FAT3: variants seen among roughly 807,000 people sequenced by gnomAD.
FAT3 encodes FAT atypical cadherin 3.
FAT3 carries 95 observed loss-of-function variants against 310.2 expected under a neutral mutation model. The observed-to-expected ratio is 0.31, with a 90% CI of 0.26 to 0.36. The LOEUF (loss-of-function observed/expected upper bound fraction) is 0.36. FAT3 is among the 10% of genes least tolerant of loss of function. The pLI is 1.00. For missense variants in FAT3, 5,408 were observed against 5,715.6 expected (o/e 0.95, Z 1.74); for synonymous variants, 2,314 against 2,192.9 (o/e 1.06, Z -1.54).
intron 3 of FAT3, among the ~76,000 whole-genome samples, chr11:92,646,200 C>T (rs1370421841): frequency 9.2e-5 from 14 of 152,072 alleles, no homozygotes; most frequent in Admixed American, 6.5e-5. Context: ...TCTAGAGAGC[C>T]CAGGACAGCT....
chr11:92,806,976 T>C (rs1947523060), intron 12 of FAT3, among the ~76,000 whole-genome samples: 2 of 152,140 alleles, frequency 1.3e-5, no homozygotes, highest in South Asian at 2.1e-4. Flanking sequence ...GGTTATCTAG[T>C]TATGCAGATA....
At chr11:92,397,447 A>G (rs1390855697) in intron 2 of FAT3, among the ~76,000 whole-genome samples, 1 of 152,210 alleles carries the variant, frequency 6.6e-6, no homozygotes, top group Admixed American at 6.5e-5. Flanking sequence ...CTCCCCATCT[A>G]GATGGAGTTC....
intron 1 of FAT3, among the ~76,000 whole-genome samples, chr11:92,262,035 A>G (rs1205590524): frequency 1.3e-5 from 2 of 151,790 alleles, no homozygotes; most frequent in Non-Finnish European, 2.9e-5. Flanking sequence ...AATGGACTCT[A>G]GCATTGTTCC....
intron 2 of FAT3, among the ~76,000 whole-genome samples, chr11:92,462,743 A>G (rs749440341): frequency 3.9e-5 from 6 of 152,208 alleles, no homozygotes; most frequent in Non-Finnish European, 7.3e-5. Context: ...TTCCATTTCA[A>G]CAACTTGTTC....
chr11:92,823,386 G>T (rs1472336789), intron 13 of FAT3, among the ~76,000 whole-genome samples: 1 of 152,164 alleles, frequency 6.6e-6, no homozygotes, highest in Admixed American at 6.5e-5. Flanking sequence ...ATAAGCTGCA[G>T]CTTTTTAGGT....
At chr11:92,330,685 G>A (rs1947894862) in intron 1 of FAT3, among the ~76,000 whole-genome samples, 1 of 151,940 alleles carries the variant, frequency 6.6e-6, no homozygotes, top group South Asian at 2.1e-4. Context: ...GTTGGGTGAT[G>A]GACAAAAATA....
intron 2 of FAT3, among the ~76,000 whole-genome samples, chr11:92,426,962 T>C (rs1050780189): frequency 6.6e-6 from 1 of 152,182 alleles, no homozygotes; most frequent in African/African-American, 2.4e-5. Context: ...TAAATCACTT[T>C]GGGTAGTATG....
intron 3 of FAT3, among the ~76,000 whole-genome samples, chr11:92,626,471 CTTT>C (rs72017730): frequency 6.9e-6 from 1 of 145,464 alleles, no homozygotes; most frequent in Non-Finnish European, 1.5e-5. Context: ...TAGCGTATCT[CTTT>C]TTTTTTTTTT....
chr11:92,765,884 C>G (rs3843601), intron 6 of FAT3, among the ~76,000 whole-genome samples: 114,245 of 151,840 alleles, frequency 0.75, 44,087 homozygotes, highest in Non-Finnish European at 0.83. Flanking sequence ...GTTTATTTAA[C>G]TGGGCCTTTT....
intron 2 of FAT3, among the ~76,000 whole-genome samples, chr11:92,399,325 AAC>A (rs1949957830): frequency 6.6e-6 from 1 of 152,150 alleles, no homozygotes; most frequent in Non-Finnish European, 1.5e-5. Context: ...AAAATTTCAA[AAC>A]ACAAAATAAC....
rs1038578868 is a variant in FAT3 at position 92,653,869 on chromosome 11, C to T, written c.3608-43515C>T. Among the ~76,000 whole-genome samples the T allele has an allele frequency of 2.6e-5, 4 of 152,284 alleles. No homozygotes were observed. In the Middle Eastern group the frequency reaches 0.01, roughly 388 times the overall value. On this transcript the variant is annotated intron_variant, in intron 3 of 27. Coordinates refer to ENST00000525166, the MANE Select transcript of FAT3 (RefSeq NM_001367949.2). ...GTGCTGTCACTAAAGCAGGGTCTCT[C>T]GTGGTTCTAGAAAAGCCATTTCTAC...
chr11:92,433,350 G>A (rs966285454), intron 2 of FAT3, among the ~76,000 whole-genome samples: 1 of 152,102 alleles, frequency 6.6e-6, no homozygotes, highest in Non-Finnish European at 1.5e-5. Context: ...TGAAACCCAG[G>A]GCCCTAATGG....
chr11:92,301,600 A>G (rs899438292), intron 1 of FAT3, among the ~76,000 whole-genome samples: 5 of 152,158 alleles, frequency 3.3e-5, no homozygotes, highest in African/African-American at 1.2e-4. Flanking sequence ...TGACAAGTGC[A>G]GCACCACTCT....
chr11:92,777,174 T>G (rs1203936727), intron 7 of FAT3, among the ~76,000 whole-genome samples: 1 of 152,208 alleles, frequency 6.6e-6, no homozygotes. Flanking sequence ...CCAAAACACC[T>G]GTTTAGTTTT....
intron 3 of FAT3, among the ~76,000 whole-genome samples, chr11:92,598,009 A>T (rs1939802800): frequency 6.6e-6 from 1 of 152,084 alleles, no homozygotes. Flanking sequence ...AACTTGTGGT[A>T]TACAATGTTG....
chr11:92,799,241 C>T lies in FAT3; in HGVS notation c.6228C>T (p.Asp2076=), dbSNP rs1947261871. The T allele has an allele frequency of 1.2e-6, 2 of 1,613,778 alleles. No homozygotes were observed. The highest frequency in any genetic ancestry group is 1.7e-6 in the Non-Finnish European group (2 of 1,179,870). The part of the protein sequence containing the change: ...ARVVVRVNIE[D]INDNSPVFVG... ...TGGTGGTCAGGGTTAACATTGAAGA[C>T]ATAAATGACAATTCTCCAGTCTTTG... Residue 2076 remains aspartate (D), a synonymous_variant, in exon 10 of 28, where the codon GAC becomes GAT. Transcript: ENST00000525166.
intron 1 of FAT3, among the ~76,000 whole-genome samples, chr11:92,286,643 T>A (rs1372030695): frequency 6.6e-6 from 1 of 152,212 alleles, no homozygotes; most frequent in Non-Finnish European, 1.5e-5. Context: ...ATAACACATT[T>A]AAGCCACAGT....
chr11:92,567,611 C>G (rs1352362633), intron 3 of FAT3, among the ~76,000 whole-genome samples: 2 of 151,698 alleles, frequency 1.3e-5, no homozygotes, highest in Non-Finnish European at 2.9e-5. Flanking sequence ...GCACTATTCA[C>G]AATAGCAAAG....
chr11:92,765,471 CTT>C (rs557482474), intron 6 of FAT3, among the ~76,000 whole-genome samples: 1,679 of 149,346 alleles, frequency 0.011, 37 homozygotes, highest in African/African-American at 0.039. Flanking sequence ...GCATTCTGTT[CTT>C]TTTTTTTTCT....
Sources: allele counts gnomAD v4.1 joint callset (sites outside exome capture counted in the v4.1 genomes callset), GRCh38; gene constraint gnomAD v4.1.1; transcripts MANE v1.5; gene names NCBI Gene and HGNC (gene_info 2026-07-23, HGNC 2026-07-21).